SNTG1: variants seen among roughly 807,000 people sequenced by gnomAD.
SNTG1 encodes gamma-1-syntrophin.
A neutral mutation model predicts 74.7 loss-of-function variants in SNTG1; 39 were observed. The ratio of observed to expected loss-of-function variants is 0.52; its 90% CI spans 0.40 to 0.68. The LOEUF (loss-of-function observed/expected upper bound fraction) is 0.68. Ranked by LOEUF, SNTG1 falls within the 30% of genes least tolerant of loss-of-function variation. The pLI is 0.00. For missense variants in SNTG1, 685 were observed against 609.5 expected, an observed-to-expected ratio of 1.12 and a Z score of -1.30; for synonymous variants, 254 against 217.1, an observed-to-expected ratio of 1.17 and a Z score of -1.49.
At chr8:50,587,995 C>G (rs1419110517) in intron 12 of SNTG1, among the ~76,000 whole-genome samples, 1 of 151,496 alleles carries the variant, frequency 6.6e-6, no homozygotes, top group African/African-American at 2.4e-5. Context: ...TGGTGGGCAC[C>G]TATAGTCCCA....
At chr8:49,952,880 A>C (rs1809844871) in intron 1 of SNTG1, among the ~76,000 whole-genome samples, 1 of 152,212 alleles carries the variant, frequency 6.6e-6, no homozygotes, top group African/African-American at 2.4e-5. Flanking sequence ...AGTAGGATAC[A>C]AATTACTGAA....
intron 1 of SNTG1, among the ~76,000 whole-genome samples, chr8:50,067,524 C>A (rs1820993497): frequency 6.6e-6 from 1 of 152,118 alleles, no homozygotes; most frequent in African/African-American, 2.4e-5. Flanking sequence ...CTCAAACTAC[C>A]CTTCTAGCTC....
rs79901482 is a variant in SNTG1 at position 50,034,872 on chromosome 8, G to A, written c.-103+122641G>A. 8.3e-3 allele frequency among the ~76,000 whole-genome samples: 1,263 copies of A among 152,282 alleles called. 25 individuals carry two copies. The highest frequency in any genetic ancestry group is 0.029 in the African/African-American group (1,202 of 41,556). ...GTTTTAGCAATTCACCTCATTTTCT[G>A]AAAGCAGTATTTGTTAGTCCTGGAT... On this transcript the variant is annotated intron_variant, in intron 1 of 18. Transcript: ENST00000642720.
intron 5 of SNTG1, among the ~76,000 whole-genome samples, chr8:50,442,894 C>A (rs1436544215): frequency 6.6e-6 from 1 of 152,118 alleles, no homozygotes; most frequent in African/African-American, 2.4e-5. Context: ...CTGCACATGG[C>A]CTCGGGCCTG....
At position 50,607,957 on chromosome 8, in the gene SNTG1, C is replaced by T. The variant is rs546442900; in HGVS notation, c.849+17040C>T. Among the ~76,000 whole-genome samples the T allele has an allele frequency of 2.2e-4, 33 of 151,790 alleles. No individual in the cohort carries two copies. In the South Asian group the frequency reaches 3.9e-3, roughly 18 times the overall value. On this transcript the variant is annotated intron_variant, in intron 13 of 18. Coordinates refer to ENST00000642720, the MANE Select transcript of SNTG1 (RefSeq NM_018967.5). Reference sequence around the variant, plus strand: ...TTAATTTGCCTGTAATTTATTTCTTCTACACTTGTCTATTTAGAAGAGTGG... The same window carrying T: ...TTAATTTGCCTGTAATTTATTTCTTTTACACTTGTCTATTTAGAAGAGTGG...
chr8:50,231,970 C>G, intron 2 of SNTG1, among the ~76,000 whole-genome samples: 1 of 151,166 alleles, frequency 6.6e-6, no homozygotes, highest in East Asian at 1.9e-4. Context: ...CCACTTTGTA[C>G]TCCATAAATA....
chr8:50,516,961 A>T (rs1170206379), intron 9 of SNTG1, among the ~76,000 whole-genome samples: 1 of 152,046 alleles, frequency 6.6e-6, no homozygotes, highest in Admixed American at 6.6e-5. Context: ...AAAGACAGTT[A>T]TCAAGAAGAG....
At chr8:50,561,998 T>C (rs1337871879) in intron 12 of SNTG1, among the ~76,000 whole-genome samples, 1 of 152,200 alleles carries the variant, frequency 6.6e-6, no homozygotes, top group Non-Finnish European at 1.5e-5. Flanking sequence ...CCATCTTATA[T>C]ATGTCCTTAC....
intron 8 of SNTG1, among the ~76,000 whole-genome samples, chr8:50,469,245 A>T (rs577468891): frequency 9.2e-5 from 14 of 152,226 alleles, no homozygotes; most frequent in African/African-American, 3.4e-4. Context: ...GGACAGTTTT[A>T]TGGGACACAG....
intron 1 of SNTG1, among the ~76,000 whole-genome samples, chr8:50,048,062 G>T (rs2130859690): frequency 6.6e-6 from 1 of 152,110 alleles, no homozygotes; most frequent in East Asian, 1.9e-4. Context: ...CATCCTTGCA[G>T]GTGTAATACA....
At chr8:50,579,622 G>A (rs777505591) in intron 12 of SNTG1, among the ~76,000 whole-genome samples, 4 of 152,120 alleles carry the variant, frequency 2.6e-5, no homozygotes, top group African/African-American at 4.8e-5. Flanking sequence ...CTCTGGCTAT[G>A]GCTAAAAAGG....
At chr8:49,984,326 C>T (rs1812955715) in intron 1 of SNTG1, among the ~76,000 whole-genome samples, 1 of 152,068 alleles carries the variant, frequency 6.6e-6, no homozygotes, top group African/African-American at 2.4e-5. Context: ...CTGCCTCAGT[C>T]TCCCGAGTAG....
intron 1 of SNTG1, among the ~76,000 whole-genome samples, chr8:50,116,402 C>T (rs928002689): frequency 8.5e-5 from 13 of 152,132 alleles, no homozygotes; most frequent in African/African-American, 3.1e-4. Flanking sequence ...CCCAACTCCA[C>T]TCTTAGGTCT....
intron 17 of SNTG1, among the ~76,000 whole-genome samples, chr8:50,725,647 C>T (rs868582864): frequency 1.8e-4 from 27 of 152,108 alleles, no homozygotes; most frequent in Non-Finnish European, 1.2e-4. Flanking sequence ...TTGCCTGATG[C>T]CAGAGGACAG....
At position 50,242,111 on chromosome 8, in the gene SNTG1, A is replaced by G. The variant is rs146099939; in HGVS notation, c.-28+69476A>G. Among the ~76,000 whole-genome samples, 333 of 152,080 alleles carry G rather than the reference A, an allele frequency of 2.2e-3. 2 individuals carry two copies. The highest frequency in any genetic ancestry group is 7.5e-3 in the African/African-American group (311 of 41,508). On this transcript the variant is annotated intron_variant, in intron 2 of 18. Coordinates refer to ENST00000642720, the MANE Select transcript of SNTG1 (RefSeq NM_018967.5). ...CGTATATATACGTATACATATCTAC[A>G]TATATATGTATACATATATACATAC...
At chr8:49,981,953 T>C (rs1002270420) in intron 1 of SNTG1, among the ~76,000 whole-genome samples, 1 of 152,126 alleles carries the variant, frequency 6.6e-6, no homozygotes, top group African/African-American at 2.4e-5. Flanking sequence ...TGGGTGTGAA[T>C]ATTATTAATT....
intron 4 of SNTG1, among the ~76,000 whole-genome samples, chr8:50,405,100 C>T (rs2092854784): frequency 6.6e-6 from 1 of 151,988 alleles, no homozygotes; most frequent in African/African-American, 2.4e-5. Flanking sequence ...TTGAAAAATG[C>T]CTCTAGGAAC....
intron 2 of SNTG1, among the ~76,000 whole-genome samples, chr8:50,382,579 T>C (rs2092506629): frequency 6.6e-6 from 1 of 152,214 alleles, no homozygotes. Context: ...ATCCAGATAA[T>C]GGGACTGATT....
chr8:50,360,556 GT>G, intron 2 of SNTG1, among the ~76,000 whole-genome samples: 1 of 152,204 alleles, frequency 6.6e-6, no homozygotes, highest in Admixed American at 6.5e-5. Context: ...TCTTGCTGTT[GT>G]GCCAATATCA....
Sources: gnomAD v4.1 joint callset for allele counts (sites outside exome capture counted in the v4.1 genomes callset) on GRCh38, gnomAD v4.1.1 for gene constraint, MANE v1.5 for transcripts, NCBI Gene and HGNC (gene_info 2026-07-23, HGNC 2026-07-21) for gene names.